Variants in ANKRD44 observed in about 807,000 individuals in gnomAD.
The protein encoded by ANKRD44 is ankyrin repeat domain 44.
ANKRD44 carries 35 observed loss-of-function variants against 116.0 expected under a neutral mutation model. The observed-to-expected ratio is 0.30, with a 90% CI of 0.23 to 0.40. The LOEUF (loss-of-function observed/expected upper bound fraction) is 0.40. ANKRD44 is among the 10% of genes least tolerant of loss of function. The pLI is 1.00. For synonymous variants in ANKRD44, 435 were observed against 461.8 expected, an observed-to-expected ratio of 0.94 and a Z score of 0.74; for missense variants, 1,014 against 1,242.6, an observed-to-expected ratio of 0.82 and a Z score of 2.77.
downstream of ANKRD44, among the ~76,000 whole-genome samples, chr2:196,983,917 C>T (rs905856907): frequency 6.6e-6 from 1 of 152,104 alleles, no homozygotes; most frequent in Non-Finnish European, 1.5e-5. Flanking sequence ...ATGTGTATGG[C>T]CACATTTTGG....
chr2:197,004,336 C>T (rs1183237201), intron 21 of ANKRD44, among the ~76,000 whole-genome samples: 1 of 151,998 alleles, frequency 6.6e-6, no homozygotes, highest in Non-Finnish European at 1.5e-5. Flanking sequence ...TGGAAAAAAA[C>T]ATCCTAAACA....
At chr2:197,309,130 C>G (rs1452636607) in intron 1 of ANKRD44, among the ~76,000 whole-genome samples, 1 of 152,188 alleles carries the variant, frequency 6.6e-6, no homozygotes, top group Non-Finnish European at 1.5e-5. Context: ...GATTAACAGA[C>G]AAGTACAGCA....
At chr2:197,050,043 T>C (rs2077076549) in intron 16 of ANKRD44, among the ~76,000 whole-genome samples, 1 of 152,248 alleles carries the variant, frequency 6.6e-6, no homozygotes. Context: ...ACAAGAAGCA[T>C]GAGGCTGGCA....
At chr2:197,263,498 G>A in intron 1 of ANKRD44, 1 of 380,188 alleles carries the variant, frequency 2.6e-6, no homozygotes, top group Non-Finnish European at 5.0e-6. Flanking sequence ...GGGCTCTTTT[G>A]CCTGATGGTG....
At chr2:197,092,473 G>C (rs1388785055) in intron 10 of ANKRD44, among the ~76,000 whole-genome samples, 1 of 152,134 alleles carries the variant, frequency 6.6e-6, no homozygotes. Flanking sequence ...TGGTATTCAG[G>C]GTTTTGCAAA....
intron 2 of ANKRD44, among the ~76,000 whole-genome samples, chr2:197,149,504 T>C (rs2079586174): frequency 6.6e-6 from 1 of 152,236 alleles, no homozygotes; most frequent in Non-Finnish European, 1.5e-5. Context: ...TGTTAATATG[T>C]GCTTAAAGGT....
chr2:197,042,774 A>T (rs1039637760), intron 16 of ANKRD44, among the ~76,000 whole-genome samples: 1 of 152,240 alleles, frequency 6.6e-6, no homozygotes, highest in Non-Finnish European at 1.5e-5. Context: ...GCATCCAGCA[A>T]TTCTGAAAGT....
At chr2:197,146,809 G>A (rs999584317) in intron 3 of ANKRD44, among the ~76,000 whole-genome samples, 5 of 152,092 alleles carry the variant, frequency 3.3e-5, no homozygotes, top group African/African-American at 1.2e-4. Flanking sequence ...CCAGGAATCA[G>A]ACTTTCAAAG....
At position 197,283,705 on chromosome 2, in the gene ANKRD44, T is replaced by G. The variant is rs184282774; in HGVS notation, c.27+26873A>C. Among the ~76,000 whole-genome samples the G allele has an allele frequency of 5.3e-5, 8 of 152,158 alleles. No homozygotes were observed. The East Asian group carries it at 1.4e-3, about 26-fold the overall frequency. ...ACAAAAGTTTAAGGTGGTAATGAAA[T>G]CATTGGAATCCCTTTTACCAAAGTG... On this transcript the variant is annotated intron_variant, in intron 1 of 27. Coordinates refer to ENST00000282272, the MANE Select transcript of ANKRD44 (RefSeq NM_001195144.2).
At chr2:197,131,807 C>T (rs2079103449) in intron 4 of ANKRD44, among the ~76,000 whole-genome samples, 1 of 152,216 alleles carries the variant, frequency 6.6e-6, no homozygotes, top group Non-Finnish European at 1.5e-5. Flanking sequence ...TCCTGTAGCA[C>T]ACTTAACAAT....
Position 196,988,773 on chromosome 2 carries a change from G to C in ANKRD44, c.*818C>G, listed in dbSNP as rs16860129. On this transcript the variant is annotated 3_prime_UTR_variant, in exon 28 of 28. Coordinates refer to ENST00000282272, the MANE Select transcript of ANKRD44 (RefSeq NM_001195144.2). ...TCCTCAAGTAGAAAATAGCACTTGA[G>C]CTGGTGATTTTTATTTCTCCTTTTG... The C allele has an allele frequency of 1.4e-3, 1,369 of 985,416 alleles. 15 individuals are homozygous for C. In the African/African-American group the frequency reaches 0.017, roughly 12 times the overall value. 61.0% of individuals were successfully genotyped at this position (985,416 alleles called of 1,614,324 possible).
intron 4 of ANKRD44, among the ~76,000 whole-genome samples, chr2:197,128,004 CT>C (rs2079015405): frequency 6.6e-6 from 1 of 152,176 alleles, no homozygotes; most frequent in South Asian, 2.1e-4. Flanking sequence ...GATATTGTTC[CT>C]TTTTATGGCT....
At chr2:197,072,595 G>A (rs2077583949) in intron 16 of ANKRD44, among the ~76,000 whole-genome samples, 1 of 152,184 alleles carries the variant, frequency 6.6e-6, no homozygotes, top group African/African-American at 2.4e-5. Flanking sequence ...ACTAAATAAA[G>A]CTTAGTCACT....
At chr2:197,088,628 C>T (rs2077977660) in intron 12 of ANKRD44, 83 bp downstream of exon 12, 5 of 831,128 alleles carry the variant, frequency 6.0e-6, no homozygotes, top group African/African-American at 1.9e-5. Flanking sequence ...AAGGAAATTG[C>T]CTTTGATTCA....
downstream of ANKRD44, among the ~76,000 whole-genome samples, chr2:196,982,201 C>T (rs2075806913): frequency 1.3e-5 from 2 of 149,052 alleles, no homozygotes; most frequent in African/African-American, 2.5e-5. Context: ...GCAATAAGGA[C>T]ATGCACACAG....
At chr2:197,167,471 A>G (rs2080125498) in intron 2 of ANKRD44, among the ~76,000 whole-genome samples, 1 of 152,194 alleles carries the variant, frequency 6.6e-6, no homozygotes, top group African/African-American at 2.4e-5. Flanking sequence ...TAAGAGCTAG[A>G]CCATCTATCT....
At chr2:197,075,747 C>T (rs753823603) in intron 16 of ANKRD44, among the ~76,000 whole-genome samples, 4 of 152,070 alleles carry the variant, frequency 2.6e-5, no homozygotes, top group Non-Finnish European at 4.4e-5. Context: ...TACAGCAAAA[C>T]GGACTGAACA....
chr2:197,038,249 C>T (rs1467085196), intron 16 of ANKRD44, among the ~76,000 whole-genome samples: 5 of 151,912 alleles, frequency 3.3e-5, no homozygotes, highest in South Asian at 2.1e-4. Flanking sequence ...GTGCATGGGG[C>T]GGGAGGGGAG....
intron 16 of ANKRD44, among the ~76,000 whole-genome samples, chr2:197,070,609 T>C (rs2077538353): frequency 3.9e-5 from 6 of 152,200 alleles, no homozygotes; most frequent in Admixed American, 3.9e-4. Context: ...AGTCATGGTA[T>C]ATAATTCTCT....
Sources: allele counts gnomAD v4.1 joint callset (sites outside exome capture counted in the v4.1 genomes callset), GRCh38; gene constraint gnomAD v4.1.1; transcripts MANE v1.5; gene names NCBI Gene and HGNC (gene_info 2026-07-23, HGNC 2026-07-21).